Variants in UBTD1 observed in about 807,000 individuals in gnomAD.
UBTD1 encodes ubiquitin domain containing 1.
Under a neutral mutation model 21.7 loss-of-function variants are expected in UBTD1, and 19 were observed. The ratio of observed to expected loss-of-function variants is 0.87; its 90% CI spans 0.61 to 1.28. The LOEUF (loss-of-function observed/expected upper bound fraction) is 1.28, where lower values mean the gene tolerates loss of function less well. Ranked by LOEUF, UBTD1 falls within the 50% of genes most tolerant of loss-of-function variation. The pLI is 0.00. For synonymous variants in UBTD1, 116 were observed against 135.1 expected, an observed-to-expected ratio of 0.86 and a Z score of 0.98; for missense variants, 282 against 315.1, an observed-to-expected ratio of 0.89 and a Z score of 0.80.
At chr10:97,509,693 C>T (rs1306227904) in intron 1 of UBTD1, among the ~76,000 whole-genome samples, 1 of 152,188 alleles carries the variant, frequency 6.6e-6, no homozygotes, top group Non-Finnish European at 1.5e-5. Context: ...CTCTGTTGCT[C>T]AGGCTGGAGT....
intron 1 of UBTD1, among the ~76,000 whole-genome samples, chr10:97,560,192 CTT>C (rs1294383955): frequency 2.0e-5 from 3 of 152,092 alleles, no homozygotes; most frequent in Non-Finnish European, 4.4e-5. Flanking sequence ...ATATAACACT[CTT>C]TACATAAATT....
intron 1 of UBTD1, among the ~76,000 whole-genome samples, chr10:97,537,421 A>G (rs1006793375): frequency 6.6e-6 from 1 of 152,220 alleles, no homozygotes; most frequent in African/African-American, 2.4e-5. Context: ...AGCGACCTGC[A>G]CATAGCTTGG....
intron 1 of UBTD1, among the ~76,000 whole-genome samples, chr10:97,534,284 A>G (rs981580633): frequency 3.9e-5 from 6 of 152,168 alleles, no homozygotes; most frequent in Admixed American, 1.3e-4. Flanking sequence ...TTGTGTGCGG[A>G]TCATTGGCCT....
intron 1 of UBTD1, among the ~76,000 whole-genome samples, chr10:97,529,692 G>A (rs2135669382): frequency 6.6e-6 from 1 of 152,342 alleles, no homozygotes; most frequent in African/African-American, 2.4e-5. Context: ...CGAGATGGCA[G>A]CAGCACAGTC....
chr10:97,566,269 ATT>A (rs11288150), intron 1 of UBTD1, among the ~76,000 whole-genome samples: 394 of 144,674 alleles, frequency 2.7e-3, no homozygotes, highest in Middle Eastern at 3.6e-3. Flanking sequence ...GCATATTGAG[ATT>A]TTTTTTTTTT....
chr10:97,564,713 G>A (rs1304308116), intron 1 of UBTD1, among the ~76,000 whole-genome samples: 1 of 152,136 alleles, frequency 6.6e-6, no homozygotes, highest in Non-Finnish European at 1.5e-5. Context: ...ACAGGTGCCT[G>A]CTGCCACGCC....
At chr10:97,521,987 A>T (rs932917145) in intron 1 of UBTD1, among the ~76,000 whole-genome samples, 2 of 152,224 alleles carry the variant, frequency 1.3e-5, no homozygotes, top group Non-Finnish European at 2.9e-5. Flanking sequence ...CTTTGGATAC[A>T]GAGAGGTGTG....
At chr10:97,551,215 T>A (rs1397324452) in intron 1 of UBTD1, among the ~76,000 whole-genome samples, 5 of 152,142 alleles carry the variant, frequency 3.3e-5, no homozygotes, top group Non-Finnish European at 5.9e-5. Flanking sequence ...TTTGCCTCTA[T>A]ACACAGACAT....
intron 1 of UBTD1, among the ~76,000 whole-genome samples, chr10:97,565,717 T>C (rs1159474569): frequency 6.6e-6 from 1 of 152,122 alleles, no homozygotes; most frequent in Non-Finnish European, 1.5e-5. Flanking sequence ...TTTCTTTTTA[T>C]TTTTTTGAGA....
At chr10:97,566,268 GA>G (rs2040716447) in intron 1 of UBTD1, among the ~76,000 whole-genome samples, 1 of 99,786 alleles carries the variant, frequency 1.0e-5, no homozygotes, top group South Asian at 2.9e-4. Flanking sequence ...TGCATATTGA[GA>G]TTTTTTTTTT....
At chr10:97,507,458 G>A (rs2040403818) in intron 1 of UBTD1, among the ~76,000 whole-genome samples, 1 of 150,704 alleles carries the variant, frequency 6.6e-6, no homozygotes, top group African/African-American at 2.4e-5. Flanking sequence ...GCCACATAGT[G>A]AGACCTCGTC....
chr10:97,506,789 A>G (rs1482094087), intron 1 of UBTD1, among the ~76,000 whole-genome samples: 1 of 152,126 alleles, frequency 6.6e-6, no homozygotes, highest in Non-Finnish European at 1.5e-5. Flanking sequence ...GGCTTGTTTC[A>G]CTTAGCATAA....
intron 1 of UBTD1, among the ~76,000 whole-genome samples, chr10:97,546,034 C>G (rs1035751202): frequency 1.3e-5 from 2 of 152,164 alleles, no homozygotes; most frequent in Non-Finnish European, 2.9e-5. Flanking sequence ...ATCCACCCAC[C>G]TTAGCCTCCC....
chr10:97,525,338 C>T (rs570118644), intron 1 of UBTD1, among the ~76,000 whole-genome samples: 55 of 152,180 alleles, frequency 3.6e-4, no homozygotes, highest in Admixed American at 1.2e-3. Context: ...CACCTGGGGC[C>T]TCCATATGCT....
At chr10:97,541,599 T>A (rs2040587333) in intron 1 of UBTD1, among the ~76,000 whole-genome samples, 1 of 152,160 alleles carries the variant, frequency 6.6e-6, no homozygotes, top group South Asian at 2.1e-4. Flanking sequence ...CTCACTGCAG[T>A]CCCTCTAGGT....
At chr10:97,507,708 G>A (rs1181288642) in intron 1 of UBTD1, among the ~76,000 whole-genome samples, 4 of 150,346 alleles carry the variant, frequency 2.7e-5, no homozygotes, top group Non-Finnish European at 4.4e-5. Context: ...CCTGGGAGGC[G>A]GAGGTTGCAG....
intron 1 of UBTD1, among the ~76,000 whole-genome samples, chr10:97,522,598 C>A (rs2040471033): frequency 6.6e-6 from 1 of 152,184 alleles, no homozygotes; most frequent in Admixed American, 6.5e-5. Context: ...CCCAGAGATG[C>A]TTGATCTTGT....
chr10:97,550,219 G>T (rs547489657), intron 1 of UBTD1, among the ~76,000 whole-genome samples: 2 of 152,354 alleles, frequency 1.3e-5, no homozygotes, highest in Admixed American at 1.3e-4. Flanking sequence ...GAAGGACACT[G>T]TTGGCCCCAT....
At chr10:97,518,407 A>G (rs1333769293) in intron 1 of UBTD1, among the ~76,000 whole-genome samples, 2 of 152,186 alleles carry the variant, frequency 1.3e-5, no homozygotes, top group African/African-American at 4.8e-5. Context: ...CTTTTCCTGT[A>G]TGAGTCATGC....
Sources: allele counts gnomAD v4.1 joint callset (sites outside exome capture counted in the v4.1 genomes callset), GRCh38; gene constraint gnomAD v4.1.1; transcripts MANE v1.5; gene names NCBI Gene and HGNC (gene_info 2026-07-23, HGNC 2026-07-21).